The following SORCS1 variants were observed in gnomAD, a reference collection of about 807,000 sequenced individuals.
The protein encoded by SORCS1 is VPS10 domain-containing receptor SorCS1.
In SORCS1, 60 loss-of-function variants were observed where a neutral mutation model predicts 146.1. The ratio of observed to expected loss-of-function variants is 0.41; its 90% CI spans 0.33 to 0.51. The LOEUF is 0.51. Among genes scored for constraint, SORCS1 ranks in the 20% least tolerant of loss-of-function variants. The pLI is 0.21. For missense variants in SORCS1, 1,352 were observed against 1,487.6 expected (o/e 0.91, Z 1.50); for synonymous variants, 637 against 584.0 (o/e 1.09, Z -1.31).
At chr10:106,855,805 AG>A (rs963537615) in intron 2 of SORCS1, among the ~76,000 whole-genome samples, 3 of 152,152 alleles carry the variant, frequency 2.0e-5, no homozygotes, top group Non-Finnish European at 4.4e-5. Flanking sequence ...TAAAGCCCTT[AG>A]CATGTTGATC....
upstream of SORCS1, among the ~76,000 whole-genome samples, chr10:107,169,415 C>T (rs182984100): frequency 6.6e-6 from 1 of 152,218 alleles, no homozygotes; most frequent in East Asian, 1.9e-4. Flanking sequence ...CAAATACAGA[C>T]CTAGCTCTGA....
rs963945795 is a variant in SORCS1 at position 107,043,325 on chromosome 10, C to T, written c.559-86745G>A. ...GAATTTTAACAAGACTTTTCTGTCA[C>T]GGGTTCTCATTCAACCTGCAGGTTT... On this transcript the variant is annotated intron_variant, in intron 1 of 25. Transcript: ENST00000263054. Among the ~76,000 whole-genome samples, 9 of 152,068 alleles carry T rather than the reference C, an allele frequency of 5.9e-5. 1 individual carries two copies. Among genetic ancestry groups the T allele is most frequent in the Non-Finnish European group, 1.0e-4 (7 of 68,014 alleles).
intron 4 of SORCS1, among the ~76,000 whole-genome samples, chr10:106,764,879 T>C (rs1048853046): frequency 2.0e-5 from 3 of 151,768 alleles, no homozygotes; most frequent in African/African-American, 4.8e-5. Flanking sequence ...AAAAATTAGC[T>C]GGGCGTGGTG....
chr10:107,019,926 C>T (rs1958060480), intron 1 of SORCS1, among the ~76,000 whole-genome samples: 1 of 152,112 alleles, frequency 6.6e-6, no homozygotes, highest in Non-Finnish European at 1.5e-5. Flanking sequence ...TGCTCTGGGG[C>T]CCCAAGGAAG....
At position 106,579,489 on chromosome 10, in the gene SORCS1, A is replaced by G; in HGVS notation, c.3266-15T>C. ...CACCAGGGGGGCTTGTGGGGGAAAC[A>G]GAGCAGAGAAAAATGAGCAGAGAAC... On this transcript the variant is annotated splice_polypyrimidine_tract_variant and intron_variant, in intron 24 of 25. Coordinates refer to ENST00000263054, the MANE Select transcript of SORCS1 (RefSeq NM_052918.5). The G allele has an allele frequency of 6.2e-7, 1 of 1,613,288 alleles. No homozygotes were observed. Among genetic ancestry groups the G allele is most frequent in the Non-Finnish European group, 8.5e-7 (1 of 1,179,658 alleles).
At chr10:106,654,422 A>G (rs1850121734) in intron 17 of SORCS1, among the ~76,000 whole-genome samples, 1 of 152,166 alleles carries the variant, frequency 6.6e-6, no homozygotes. Context: ...CTTTAAATGG[A>G]GTAAGATTAT....
intron 19 of SORCS1, among the ~76,000 whole-genome samples, chr10:106,623,305 C>T (rs796905510): frequency 8.1e-5 from 12 of 149,056 alleles, no homozygotes; most frequent in Admixed American, 3.3e-4. Context: ...TGCAGCGGCA[C>T]GATCTCGGAG....
chr10:106,921,627 G>A (rs780168773), intron 2 of SORCS1, among the ~76,000 whole-genome samples: 1 of 152,082 alleles, frequency 6.6e-6, no homozygotes, highest in African/African-American at 2.4e-5. Context: ...ACAGGGAGTC[G>A]GGAGGAAGGA....
In SORCS1 at chr10:106,776,651, C is replaced by T. The variant is rs775365753; in HGVS notation, c.768G>A (p.Leu256=). The T allele has an allele frequency of 6.8e-6, 11 of 1,613,982 alleles. No homozygotes were observed. Among genetic ancestry groups the T allele is most frequent in the Non-Finnish European group, 9.3e-6 (11 of 1,179,904 alleles). ...LTDPEIESSL[L]ISSDEGATYQ... is the part of the protein sequence containing the mutation. ...AAGTTGCCCCTTCATCTGAGCTGAT[C>T]AATAAACTGCTCTCAATCTCCGGGT... Residue 256 remains leucine, a synonymous_variant, in exon 4 of 26, where the codon TTG becomes TTA. Coordinates refer to ENST00000263054, the MANE Select transcript of SORCS1 (RefSeq NM_052918.5).
chr10:106,597,948 A>G (rs1846003809), intron 23 of SORCS1, among the ~76,000 whole-genome samples: 2 of 152,218 alleles, frequency 1.3e-5, no homozygotes, highest in African/African-American at 4.8e-5. Flanking sequence ...GCCACAACGT[A>G]AGTAACAAAT....
chr10:106,750,688 C>T (rs1400817813), intron 5 of SORCS1, among the ~76,000 whole-genome samples: 1 of 123,216 alleles, frequency 8.1e-6, no homozygotes, highest in African/African-American at 3.1e-5. Flanking sequence ...GAGATCGCAC[C>T]ACTGCACTCC....
intron 10 of SORCS1, among the ~76,000 whole-genome samples, chr10:106,686,227 G>A (rs778410281): frequency 6.6e-6 from 1 of 152,178 alleles, no homozygotes; most frequent in Non-Finnish European, 1.5e-5. Context: ...GCTTGGATTA[G>A]GGCAGTCCCA....
At chr10:106,593,137 A>C (rs1429742636) in intron 24 of SORCS1, among the ~76,000 whole-genome samples, 1 of 151,858 alleles carries the variant, frequency 6.6e-6, no homozygotes, top group Non-Finnish European at 1.5e-5. Flanking sequence ...TCAAAAAAAA[A>C]AAAAAAAAGA....
At chr10:106,825,501 T>C (rs573148675) in intron 3 of SORCS1, among the ~76,000 whole-genome samples, 197 of 152,082 alleles carry the variant, frequency 1.3e-3, no homozygotes, top group African/African-American at 4.6e-3. Context: ...CTCAATCTCC[T>C]GACCTCGTGA....
chr10:107,005,876 C>A (rs1038354473), intron 1 of SORCS1, among the ~76,000 whole-genome samples: 3 of 152,116 alleles, frequency 2.0e-5, no homozygotes, highest in African/African-American at 7.2e-5. Context: ...CAAATGAGAA[C>A]CTATAATTAT....
intron 1 of SORCS1, among the ~76,000 whole-genome samples, chr10:107,102,083 G>T (rs1333602906): frequency 1.3e-5 from 2 of 152,038 alleles, no homozygotes; most frequent in African/African-American, 2.4e-5. Context: ...TTCTATCTTG[G>T]TCATCATTTT....
chr10:106,809,684 A>T (rs1246291839), intron 3 of SORCS1, among the ~76,000 whole-genome samples: 9 of 152,172 alleles, frequency 5.9e-5, no homozygotes, highest in Admixed American at 5.9e-4. Context: ...ATATATATAT[A>T]TAAAAAATCT....
intron 3 of SORCS1, among the ~76,000 whole-genome samples, chr10:106,782,089 T>TAC (rs201927000): frequency 0.01 from 1,573 of 152,300 alleles, 25 homozygotes; most frequent in African/African-American, 0.035. Flanking sequence ...CATTCAATAC[T>TAC]GAGATGAACA....
At chr10:106,934,424 T>A (rs991262607) in intron 2 of SORCS1, among the ~76,000 whole-genome samples, 1 of 151,064 alleles carries the variant, frequency 6.6e-6, no homozygotes, top group African/African-American at 2.4e-5. Flanking sequence ...ACCCGGCTAA[T>A]TTTTTTTTGT....
Sources: gnomAD v4.1 joint callset for allele counts (sites outside exome capture counted in the v4.1 genomes callset) on GRCh38, gnomAD v4.1.1 for gene constraint, MANE v1.5 for transcripts, NCBI Gene and HGNC (gene_info 2026-07-23, HGNC 2026-07-21) for gene names.